STAT4: variants seen among roughly 807,000 people sequenced by gnomAD.
The protein encoded by STAT4 is signal transducer and activator of transcription 4.
Under a neutral mutation model 110.5 loss-of-function variants are expected in STAT4, and 42 were observed. The ratio of observed to expected loss-of-function variants is 0.38; its 90% confidence interval spans 0.30 to 0.49. STAT4 has a LOEUF of 0.49. STAT4 is among the 20% of genes least tolerant of loss of function. The pLI is 0.95. For missense variants in STAT4, 632 were observed against 887.9 expected, an observed-to-expected ratio of 0.71 and a Z score of 3.66; for synonymous variants, 284 against 302.2, an observed-to-expected ratio of 0.94 and a Z score of 0.63.
At chr2:191,148,358 C>T (rs1422664678) in intron 1 of STAT4, among the ~76,000 whole-genome samples, 154 bp from the exon 2 acceptor site, 1 of 151,952 alleles carries the variant, frequency 6.6e-6, no homozygotes, top group Non-Finnish European at 1.5e-5. Context: ...CATAATTCAA[C>T]CCTAATGAAG....
intron 6 of STAT4, chr2:191,068,725 A>C (rs985583654): frequency 6.6e-6 from 1 of 152,146 alleles, no homozygotes; most frequent in Non-Finnish European, 1.5e-5. Flanking sequence ...GTTCTCTTAC[A>C]TAAACATAGT....
rs145633796 is a variant in STAT4 at position 191,045,915 on chromosome 2, C to T, written c.1252-4767G>A. Among the ~76,000 whole-genome samples, 708 of 152,320 alleles carry T rather than the reference C, an allele frequency of 4.6e-3. 6 individuals carry two copies. The highest frequency in any genetic ancestry group is 0.031 in the Middle Eastern group (9 of 294). Reference sequence around the variant, plus strand: ...TCAACACATCAAACAGCCAGTTCCTCTTCCTCAGCCCCTTTATGTTAAATA... The same window carrying T: ...TCAACACATCAAACAGCCAGTTCCTTTTCCTCAGCCCCTTTATGTTAAATA... On this transcript the variant is annotated intron_variant, in intron 14 of 23. Transcript: ENST00000392320.
At chr2:191,047,949 A>G (rs375398476) in intron 14 of STAT4, among the ~76,000 whole-genome samples, 3 of 152,338 alleles carry the variant, frequency 2.0e-5, no homozygotes, top group Admixed American at 6.5e-5. Flanking sequence ...TACAGGCATG[A>G]GCCAACACGC....
chr2:191,045,538 G>C (rs186984880), intron 14 of STAT4, among the ~76,000 whole-genome samples: 109 of 152,292 alleles, frequency 7.2e-4, no homozygotes, highest in African/African-American at 2.4e-3. Context: ...AAGTCAGGGT[G>C]GGGGGTTGGA....
chr2:191,039,191 G>A lies in STAT4; in HGVS notation c.1434+8C>T, dbSNP rs776636863. ...CATTAAAGAAGTTGAGGTAGAAATA[G>A]AGTCTACCTGGGAATCGTTGGTTGA... On this transcript the variant is annotated splice_region_variant and intron_variant, in intron 16 of 23. Coordinates refer to ENST00000392320, the MANE Select transcript of STAT4 (RefSeq NM_003151.4). The surrounding 1 kb of genome is among the most constrained non-coding windows in gnomAD (Gnocchi z 4.7). 17 of 1,608,424 alleles carry A rather than the reference G, an allele frequency of 1.1e-5. No homozygotes were observed. Among genetic ancestry groups the A allele is most frequent in the Admixed American group, 3.3e-5 (2 of 60,004 alleles).
rs74351188 is a variant in STAT4, at chr2:191,062,068, T to C, written c.942-247A>G. Among the ~76,000 whole-genome samples, 2 of 152,218 alleles carry C rather than the reference T, an allele frequency of 1.3e-5. No homozygotes were observed. Among genetic ancestry groups the C allele is most frequent in the African/African-American group, 4.8e-5 (2 of 41,452 alleles). ...CCCAGTCCATTTAGTAATTTTTTTT[T>C]CTTTTGAGAAGGGTCTCCCTCTGTT... On this transcript the variant is annotated intron_variant, in intron 9 of 23. Coordinates refer to ENST00000392320, the MANE Select transcript of STAT4 (RefSeq NM_003151.4). The surrounding 1 kb of genome is among the most constrained non-coding windows in gnomAD (Gnocchi z 4.9).
chr2:191,093,555 G>C (rs1314847254), intron 3 of STAT4, among the ~76,000 whole-genome samples: 3 of 152,128 alleles, frequency 2.0e-5, no homozygotes, highest in African/African-American at 7.2e-5. Context: ...TCAACAAAAA[G>C]GATATCCACA....
chr2:191,114,233 A>G (rs1698504989), intron 3 of STAT4, among the ~76,000 whole-genome samples: 1 of 152,252 alleles, frequency 6.6e-6, no homozygotes, highest in Non-Finnish European at 1.5e-5. Context: ...CATAAAATTT[A>G]TAGCCTGAAG....
At chr2:191,102,079 T>G (rs912158288) in intron 3 of STAT4, among the ~76,000 whole-genome samples, 3 of 151,812 alleles carry the variant, frequency 2.0e-5, no homozygotes, top group African/African-American at 7.3e-5. Context: ...TGTGGTTGAA[T>G]TCTGTATTAA....
At chr2:191,134,265 A>T (rs1699119893) in intron 3 of STAT4, among the ~76,000 whole-genome samples, 1 of 152,188 alleles carries the variant, frequency 6.6e-6, no homozygotes, top group Non-Finnish European at 1.5e-5. Flanking sequence ...TGGTTGTCCC[A>T]TCACTGCTAC....
rs1007609345 is a variant in STAT4 at position 191,144,018 on chromosome 2, T to C, written c.273+2595A>G. ...TGCCCAGTAAGCACAATTTATAAAT[T>C]GATATATATGGAAGCACAAGAAAGA... On this transcript the variant is annotated intron_variant, in intron 3 of 23. Transcript: ENST00000392320. This position sits in a 1 kb window ranked among gnomAD's most constrained non-coding sequence, Gnocchi z 4.7. Among the ~76,000 whole-genome samples the C allele has an allele frequency of 3.3e-5, 5 of 152,180 alleles. No homozygotes were observed. Among genetic ancestry groups the C allele is most frequent in the Non-Finnish European group, 7.3e-5 (5 of 68,028 alleles).
chr2:191,072,032 C>T (rs1299188683), intron 5 of STAT4, among the ~76,000 whole-genome samples: 1 of 152,150 alleles, frequency 6.6e-6, no homozygotes, highest in Non-Finnish European at 1.5e-5. Flanking sequence ...GCCAAAGTCT[C>T]CCCGTAGAGT....
intron 3 of STAT4, among the ~76,000 whole-genome samples, chr2:191,106,536 G>T (rs61302274): frequency 0.011 from 1,614 of 151,812 alleles, 36 homozygotes; most frequent in African/African-American, 0.037. Context: ...CATGCCTGTA[G>T]TTCCAGCTAC....
In STAT4 at chr2:191,033,581, T is replaced by C; in HGVS notation, c.1761A>G (p.Leu587=). The C allele has an allele frequency of 6.2e-7, 1 of 1,614,148 alleles. No individual in the cohort carries two copies. The highest frequency in any genetic ancestry group is 8.5e-7 in the Non-Finnish European group (1 of 1,179,998). Residue 587 remains leucine (L), a synonymous_variant, in exon 20 of 24, where the codon CTA becomes CTG. Coordinates refer to ENST00000392320, the MANE Select transcript of STAT4 (RefSeq NM_003151.4). The surrounding 1 kb of genome is among the most constrained non-coding windows in gnomAD (Gnocchi z 6.9). ...AAAAGGTGCCAGGCATTTTATCCTT[T>C]AGCAACAGCCGTTCCTTCTCTTTGC... ...FVSKEKERLL[L]KDKMPGTFLL...
At chr2:191,080,116 C>A (rs1236128714) in intron 3 of STAT4, among the ~76,000 whole-genome samples, 3 of 152,042 alleles carry the variant, frequency 2.0e-5, no homozygotes, top group Non-Finnish European at 1.5e-5. Flanking sequence ...TCAATGAAAT[C>A]TTTTATTACC....
rs945975382 is a variant in STAT4 at position 191,112,541 on chromosome 2, C to A, written c.273+34072G>T. 1.1e-4 allele frequency among the ~76,000 whole-genome samples: 17 copies of A among 152,134 alleles called. No individual in the cohort carries two copies. The highest frequency in any genetic ancestry group is 2.5e-4 in the Non-Finnish European group (17 of 68,016). ...CATATATATTTTTTACTAAAACATGCCCTGTGGCACAATCTATATGTAGTA... is the reference window on the plus strand; with the variant it reads ...CATATATATTTTTTACTAAAACATGACCTGTGGCACAATCTATATGTAGTA... On this transcript the variant is annotated intron_variant, in intron 3 of 23. Transcript: ENST00000392320. The surrounding 1 kb of genome is among the most constrained non-coding windows in gnomAD (Gnocchi z 4.3).
intron 5 of STAT4, 101 bp downstream of exon 5, chr2:191,072,997 A>G: frequency 2.4e-6 from 2 of 836,920 alleles, no homozygotes; most frequent in South Asian, 4.2e-5. Flanking sequence ...AAATTGCCCT[A>G]TGATTTCTGT....
chr2:191,138,432 A>G lies in STAT4; in HGVS notation c.273+8181T>C, dbSNP rs1017859123. 2.0e-5 allele frequency among the ~76,000 whole-genome samples: 3 copies of G among 152,208 alleles called. No homozygotes were observed. The highest frequency in any genetic ancestry group is 2.9e-5 in the Non-Finnish European group (2 of 68,030). ...CGCATCGAGAAATGAAACTACAGCC[A>G]ATACCGCAGAAATACAAAAGATTAG... On this transcript the variant is annotated intron_variant, in intron 3 of 23. Coordinates refer to ENST00000392320, the MANE Select transcript of STAT4 (RefSeq NM_003151.4). The surrounding 1 kb of genome is among the most constrained non-coding windows in gnomAD (Gnocchi z 4.3).
At chr2:191,149,466 G>C (rs1307756359) in intron 1 of STAT4, among the ~76,000 whole-genome samples, 1 of 152,030 alleles carries the variant, frequency 6.6e-6, no homozygotes, top group African/African-American at 2.4e-5. Context: ...TACAATTCTA[G>C]GCATATTGTA....
Sources: gnomAD v4.1 joint callset for allele counts (sites outside exome capture counted in the v4.1 genomes callset) on GRCh38, gnomAD v4.1.1 for gene constraint, Gnocchi (gnomAD v3.1) non-coding constraint, MANE v1.5 for transcripts, NCBI Gene and HGNC (gene_info 2026-07-23, HGNC 2026-07-21) for gene names.